Variants in DNAH12 observed in about 807,000 individuals in gnomAD.
DNAH12 encodes the protein dynein axonemal heavy chain 12, also known as axonemal beta dynein heavy chain 12.
A neutral mutation model predicts 371.5 loss-of-function variants in DNAH12; 285 were observed. That is an observed-to-expected ratio of 0.77 (90% CI 0.70 to 0.85). DNAH12 has a LOEUF of 0.85. Among genes scored for constraint, DNAH12 ranks in the 40% least tolerant of loss-of-function variants. The pLI is 0.00. For synonymous variants in DNAH12, 1,200 were observed against 1,213.0 expected, an observed-to-expected ratio of 0.99 and a Z score of 0.22; for missense variants, 3,611 against 3,689.4, an observed-to-expected ratio of 0.98 and a Z score of 0.55.
chr3:57,505,168 C>A (rs934596657), intron 8 of DNAH12, among the ~76,000 whole-genome samples: 2 of 152,054 alleles, frequency 1.3e-5, no homozygotes, highest in African/African-American at 4.8e-5. Flanking sequence ...GGATTACAGG[C>A]GTGAGCCACC....
At chr3:57,370,321 T>TA (rs1306397314) in intron 55 of DNAH12, among the ~76,000 whole-genome samples, 1 of 152,208 alleles carries the variant, frequency 6.6e-6, no homozygotes, top group East Asian at 1.9e-4. Context: ...AAGATAATTA[T>TA]AAAAAACTAA....
rs183781629 is a variant in DNAH12 at position 57,306,878 on chromosome 3, A to G, written c.11189+2273T>C. Among the ~76,000 whole-genome samples, 72 of 151,962 alleles carry G rather than the reference A, an allele frequency of 4.7e-4. 1 individual carries two copies. The East Asian group carries it at 0.012, about 25-fold the overall frequency. On this transcript the variant is annotated intron_variant, in intron 69 of 73. Transcript: ENST00000495027. ...CCACCCCGTGGTGCCAAACCCATAT[A>G]CTCTCCTATCCTCAATACCTCCCTA...
At chr3:57,540,635 T>G (rs2069238729) in intron 2 of DNAH12, among the ~76,000 whole-genome samples, 1 of 151,480 alleles carries the variant, frequency 6.6e-6, no homozygotes, top group Non-Finnish European at 1.5e-5. Context: ...AGTTATGGAG[T>G]AAAAACAATC....
chr3:57,318,202 T>C (rs1197834106), intron 65 of DNAH12, among the ~76,000 whole-genome samples: 2 of 152,126 alleles, frequency 1.3e-5, no homozygotes, highest in Non-Finnish European at 2.9e-5. Context: ...GTTGCCTGTG[T>C]TTTGGTGTCA....
chr3:57,319,777 G>T (rs2061764829), intron 65 of DNAH12, among the ~76,000 whole-genome samples: 1 of 151,314 alleles, frequency 6.6e-6, no homozygotes, highest in South Asian at 2.1e-4. Context: ...GTAGAGACAG[G>T]TTTCACCATG....
intron 37 of DNAH12, among the ~76,000 whole-genome samples, chr3:57,417,009 G>C (rs2064397754): frequency 6.6e-6 from 1 of 152,164 alleles, no homozygotes; most frequent in Admixed American, 6.5e-5. Flanking sequence ...CCAGCACTTT[G>C]GGAGGCCGAG....
At chr3:57,475,327 A>G (rs997681303) in intron 13 of DNAH12, among the ~76,000 whole-genome samples, 2 of 152,150 alleles carry the variant, frequency 1.3e-5, no homozygotes, top group Non-Finnish European at 2.9e-5. Flanking sequence ...TCCAACAGGA[A>G]GAAAGAAAGA....
intron 15 of DNAH12, among the ~76,000 whole-genome samples, chr3:57,471,225 A>C (rs1207085067): frequency 6.6e-6 from 1 of 151,748 alleles, no homozygotes; most frequent in African/African-American, 2.4e-5. Flanking sequence ...ATGGTGGCAC[A>C]TGCCTGTTAG....
At chr3:57,420,782 AC>A (rs2064548737) in intron 36 of DNAH12, among the ~76,000 whole-genome samples, 5 of 151,780 alleles carry the variant, frequency 3.3e-5, no homozygotes, top group Non-Finnish European at 7.4e-5. Context: ...GGTGGCGGGC[AC>A]CTGTAGTCCC....
chr3:57,554,446 T>G, the DNAH12 span, among the ~76,000 whole-genome samples: 1 of 152,052 alleles, frequency 6.6e-6, no homozygotes, highest in East Asian at 1.9e-4. Flanking sequence ...ACAACTCTAA[T>G]GGCCCTCTTA....
Position 57,542,955 on chromosome 3 carries a change from A to G in DNAH12, c.-33-52T>C, listed in dbSNP as rs577616754. On this transcript the variant is annotated intron_variant, in intron 1 of 73. Coordinates refer to ENST00000495027, the MANE Select transcript of DNAH12 (RefSeq NM_001366028.2). ...TTATTATGTCAGCAAGCCTCGACAC[A>G]TTCATAACATATCTAACATATCAAT... is the stretch of plus-strand genomic sequence containing the variant. 6 of 1,333,810 alleles carry G rather than the reference A, an allele frequency of 4.5e-6. No individual in the cohort carries two copies. In the Admixed American group the frequency reaches 1.1e-4, roughly 24 times the overall value. The allele number at this position is 1,333,810 out of a possible 1,614,324, so 82.6% of individuals were successfully genotyped here. A position where few individuals can be genotyped will look rare whatever the true frequency, so the allele number is the denominator to read the frequency against.
intron 29 of DNAH12, among the ~76,000 whole-genome samples, chr3:57,438,873 C>T (rs1293884808): frequency 1.5e-5 from 2 of 133,358 alleles, no homozygotes; most frequent in Non-Finnish European, 3.1e-5. Context: ...AGAGATTGTG[C>T]CACTGCACTC....
At chr3:57,471,365 CA>C (rs2066361918) in intron 15 of DNAH12, 106 bp downstream of exon 15, 1 of 1,045,182 alleles carries the variant, frequency 9.6e-7, no homozygotes, top group African/African-American at 1.7e-5. Flanking sequence ...ATAGAGTAAA[CA>C]TAAAAAAATA....
In DNAH12 at chr3:57,467,410, C is replaced by A. The variant is rs1010113419; in HGVS notation, c.2349+1326G>T. ...GTGCTGGAATTACAGGCATAAGACA[C>A]CATGCCTGGCCTTGAGTAATTCTTA... On this transcript the variant is annotated intron_variant, in intron 17 of 73. Transcript: ENST00000495027. Among the ~76,000 whole-genome samples, 3 of 152,168 alleles carry A rather than the reference C, an allele frequency of 2.0e-5. No individual in the cohort carries two copies. In the South Asian group the frequency reaches 6.2e-4, roughly 32 times the overall value.
intron 33 of DNAH12, 99 bp downstream of exon 33, chr3:57,429,592 G>A (rs1189554082): frequency 2.4e-5 from 27 of 1,104,084 alleles, no homozygotes; most frequent in Non-Finnish European, 3.5e-5. Context: ...TATTCCTAGT[G>A]CCTAACCCAT....
intron 17 of DNAH12, among the ~76,000 whole-genome samples, chr3:57,467,106 A>G (rs889079705): frequency 6.6e-6 from 1 of 152,022 alleles, no homozygotes; most frequent in East Asian, 1.9e-4. Flanking sequence ...CTTGATGATG[A>G]GAATAGCTCT....
At chr3:57,454,990 A>C (rs1575625130) in intron 22 of DNAH12, 96 bp from the exon 23 acceptor site, 1 of 1,352,014 alleles carries the variant, frequency 7.4e-7, no homozygotes, top group African/African-American at 1.5e-5. Context: ...TGGCACATAC[A>C]TAGGCTAGAA....
chr3:57,456,293 T>C (rs2065900474), intron 22 of DNAH12, among the ~76,000 whole-genome samples: 2 of 152,146 alleles, frequency 1.3e-5, no homozygotes, highest in Admixed American at 1.3e-4. Flanking sequence ...CTGAACAGAA[T>C]AGCCACCACA....
At chr3:57,328,852 A>C (rs202107914) in intron 62 of DNAH12, among the ~76,000 whole-genome samples, 7,247 of 98,606 alleles carry the variant, frequency 0.073, 641 homozygotes, top group African/African-American at 0.16. Context: ...TGATAAGCAA[A>C]TTCAGCAAAG....
Sources: gnomAD v4.1 joint callset for allele counts (sites outside exome capture counted in the v4.1 genomes callset) on GRCh38, gnomAD v4.1.1 for gene constraint, MANE v1.5 for transcripts, NCBI Gene and HGNC (gene_info 2026-07-23, HGNC 2026-07-21) for gene names.